Variants in ANKRD18A observed in about 807,000 individuals in gnomAD.
ANKRD18A encodes ankyrin repeat domain-containing protein 18A.
ANKRD18A carries 72 observed loss-of-function variants against 110.6 expected under a neutral mutation model. The observed-to-expected ratio is 0.65, with a 90% CI of 0.54 to 0.79. The LOEUF (loss-of-function observed/expected upper bound fraction) is 0.79, where lower values mean the gene tolerates loss of function less well. Ranked by LOEUF, ANKRD18A falls within the 30% of genes least tolerant of loss-of-function variation. The probability of loss-of-function intolerance (pLI) is 0.00; values close to 1 mark genes in which losing one functional copy is unlikely to be tolerated. For missense variants in ANKRD18A, 934 were observed against 1,163.3 expected, an observed-to-expected ratio of 0.80 and a Z score of 2.87; for synonymous variants, 305 against 410.3, an observed-to-expected ratio of 0.74 and a Z score of 3.10.
chr9:38,611,821 C>T (rs968511536), intron 3 of ANKRD18A, among the ~76,000 whole-genome samples: 3 of 152,148 alleles, frequency 2.0e-5, no homozygotes, highest in Admixed American at 2.0e-4. Flanking sequence ...AAAAAGATTC[C>T]ATGATCATCT....
At chr9:38,592,642 C>G (rs866352440) in intron 10 of ANKRD18A, among the ~76,000 whole-genome samples, 2 of 152,024 alleles carry the variant, frequency 1.3e-5, no homozygotes, top group African/African-American at 4.8e-5. Flanking sequence ...ATGTTTGCAA[C>G]AGCTGTTTTC....
downstream of ANKRD18A, chr9:38,567,289 T>C (rs1216172011): frequency 6.6e-6 from 1 of 152,236 alleles, no homozygotes; most frequent in Non-Finnish European, 1.5e-5. Flanking sequence ...GCCATCCTTG[T>C]ACTACCGCCA....
At chr9:38,573,347 G>A (rs1459083911) in intron 15 of ANKRD18A, among the ~76,000 whole-genome samples, 2 of 152,104 alleles carry the variant, frequency 1.3e-5, no homozygotes, top group East Asian at 3.8e-4. Context: ...GCTATTTAGA[G>A]TAATCTGACA....
chr9:38,619,312 A>G (rs1286853115), intron 1 of ANKRD18A, among the ~76,000 whole-genome samples: 1 of 152,140 alleles, frequency 6.6e-6, no homozygotes, highest in African/African-American at 2.4e-5. Context: ...CATTTTATTA[A>G]TAACTCATCT....
At chr9:38,597,074 G>C (rs920119411) in intron 8 of ANKRD18A, among the ~76,000 whole-genome samples, 7 of 152,130 alleles carry the variant, frequency 4.6e-5, no homozygotes, top group African/African-American at 1.4e-4. Flanking sequence ...TTCTCCATCA[G>C]ATCACAGTTA....
chr9:38,609,017 C>T lies in ANKRD18A; in HGVS notation c.740+1256G>A, dbSNP rs1200184167. ...GACACTGGTCTCAAAGGATAACATA[C>T]CATGAAGGTACAGGCTAAGCCTAGC... On this transcript the variant is annotated intron_variant, in intron 5 of 15. Coordinates refer to ENST00000399703, the MANE Select transcript of ANKRD18A (RefSeq NM_147195.4). Among the ~76,000 whole-genome samples the T allele has an allele frequency of 2.6e-5, 4 of 152,096 alleles. No homozygotes were observed. The South Asian group carries it at 6.2e-4, about 24-fold the overall frequency.
chr9:38,591,734 TTC>T (rs1396758270), intron 10 of ANKRD18A, among the ~76,000 whole-genome samples: 2 of 152,182 alleles, frequency 1.3e-5, no homozygotes, highest in Non-Finnish European at 2.9e-5. Context: ...TAGCTTACTC[TTC>T]TCTCTGTGTG....
chr9:38,610,408 G>A lies in ANKRD18A; in HGVS notation c.605C>T (p.Thr202Ile). Residue 202 changes from threonine to isoleucine, a missense_variant and splice_region_variant, in exon 5 of 16, where the codon ACA becomes ATA. Transcript: ENST00000399703. Reference sequence around the variant, plus strand: ...ATGCTGTACTGCAAGTATGAGGGCTGTTCTAAAATAATAAAGAAATAACAG... The same window carrying A: ...ATGCTGTACTGCAAGTATGAGGGCTATTCTAAAATAATAAAGAAATAACAG... ...NIHAVDNFKR[T>I]ALILAVQHNL... The A allele has an allele frequency of 6.5e-7, 1 of 1,537,520 alleles. No homozygotes were observed.
At chr9:38,585,303 T>C (rs1000078186) in intron 12 of ANKRD18A, among the ~76,000 whole-genome samples, 4 of 152,214 alleles carry the variant, frequency 2.6e-5, no homozygotes, top group African/African-American at 7.2e-5. Context: ...TATTTCCAGT[T>C]TTAGACAACA....
intron 14 of ANKRD18A, among the ~76,000 whole-genome samples, chr9:38,576,794 C>T (rs1240732222): frequency 6.6e-6 from 1 of 151,994 alleles, no homozygotes; most frequent in Non-Finnish European, 1.5e-5. Context: ...GTGAAAAAAA[C>T]TAACAGGTCA....
At chr9:38,582,463 T>C (rs1451681955) in intron 12 of ANKRD18A, among the ~76,000 whole-genome samples, 2 of 151,988 alleles carry the variant, frequency 1.3e-5, no homozygotes, top group African/African-American at 4.8e-5. Context: ...ATTGAAAAAA[T>C]TTTCTCAGTA....
chr9:38,575,591 C>T lies in ANKRD18A; in HGVS notation c.2849G>A (p.Cys950Tyr). ...TTCTATACTATTAAGATTTTCAACA[C>T]AAGGTAACTCTGGTTCTGGCCTTGT... ...LPTRPEPELP[C>Y]VENLNSIELN... The change falls in exon 15 of 16, where the codon TGT becomes TAT. Residue 950 changes from cysteine (C) to tyrosine (Y), a missense_variant. By Grantham distance (194) the Cys-to-Tyr change is radical. Around this residue, in one of 4 missense-constraint regions of ANKRD18A, gnomAD observed 223 missense variants for 226.7 expected, o/e 0.98. Transcript: ENST00000399703. 6.4e-7 allele frequency: 1 copy of T among 1,551,580 alleles called. No homozygotes were observed. Among genetic ancestry groups the T allele is most frequent in the Non-Finnish European group, 8.7e-7 (1 of 1,146,838 alleles).
intron 12 of ANKRD18A, among the ~76,000 whole-genome samples, chr9:38,581,152 G>GA (rs1339555409): frequency 1.3e-5 from 2 of 152,092 alleles, no homozygotes; most frequent in Admixed American, 6.6e-5. Flanking sequence ...GTAATTGTTA[G>GA]AAAAATAAGT....
intron 5 of ANKRD18A, 80 bp from the exon 6 acceptor site, chr9:38,607,573 G>A: frequency 9.8e-7 from 1 of 1,021,688 alleles, no homozygotes; most frequent in Non-Finnish European, 1.3e-6. Context: ...AATTCTTAAA[G>A]CATTTCAGAC....
Position 38,595,817 on chromosome 9 carries a change from T to G in ANKRD18A, c.1523A>C (p.Gln508Pro), listed in dbSNP as rs1456117899. Residue 508 changes from glutamine to proline, a missense_variant, in exon 9 of 16, where the codon CAG (glutamine) becomes CCG (proline). Gln to Pro is a moderately conservative substitution (Grantham distance 76). Coordinates refer to ENST00000399703, the MANE Select transcript of ANKRD18A (RefSeq NM_147195.4). ...ATGCTGTGCTTGCCTTAGGTCCAGC[T>G]GTACACTTCCTAAAGCCAATGTCTT... ...REKTLALGSV[Q>P]LDLRQAQHRI... 8.4e-6 allele frequency: 13 copies of G among 1,551,220 alleles called. No individual in the cohort carries two copies. The Admixed American group carries it at 1.8e-4, about 21-fold the overall frequency.
At chr9:38,613,245 T>C (rs1464741884) in intron 3 of ANKRD18A, among the ~76,000 whole-genome samples, 1 of 151,058 alleles carries the variant, frequency 6.6e-6, no homozygotes, top group Non-Finnish European at 1.5e-5. Context: ...GTGATGTGGT[T>C]CTGGGGACAC....
At chr9:38,599,453 C>T (rs1825029088) in intron 8 of ANKRD18A, among the ~76,000 whole-genome samples, 1 of 151,844 alleles carries the variant, frequency 6.6e-6, no homozygotes, top group Admixed American at 6.6e-5. Context: ...TTCAGTTGAA[C>T]TTTTTTGTAA....
chr9:38,589,589 A>G (rs1466844711), intron 10 of ANKRD18A, among the ~76,000 whole-genome samples: 3 of 152,338 alleles, frequency 2.0e-5, no homozygotes, highest in Non-Finnish European at 4.4e-5. Context: ...CCAGTTTGTC[A>G]GATGTTGAGT....
At chr9:38,602,361 G>C (rs1825153488) in intron 7 of ANKRD18A, among the ~76,000 whole-genome samples, 1 of 152,098 alleles carries the variant, frequency 6.6e-6, no homozygotes, top group Middle Eastern at 3.4e-3. Context: ...ATTAAAAGAG[G>C]CAGAGGGCAG....
Sources: gnomAD v4.1 joint callset for allele counts (sites outside exome capture counted in the v4.1 genomes callset) on GRCh38, gnomAD v4.1.1 for gene constraint, gnomAD v4.1.1 regional missense constraint, MANE v1.5 for transcripts, NCBI Gene and HGNC (gene_info 2026-07-23, HGNC 2026-07-21) for gene names.